The following FRK variants were observed in gnomAD, a reference collection of about 807,000 sequenced individuals.
The protein encoded by FRK is fyn related Src family tyrosine kinase, also known as tyrosine-protein kinase FRK.
A neutral mutation model predicts 56.4 loss-of-function variants in FRK; 51 were observed. The ratio of observed to expected loss-of-function variants is 0.90; its 90% CI spans 0.72 to 1.14. FRK has a LOEUF of 1.14. Among genes scored for constraint, FRK ranks in the 50% most tolerant of loss-of-function variants. The probability of loss-of-function intolerance (pLI) is 0.00; values close to 1 mark genes in which losing one functional copy is unlikely to be tolerated. For missense variants in FRK, 570 were observed against 601.4 expected, an observed-to-expected ratio of 0.95 and a Z score of 0.55; for synonymous variants, 245 against 217.9, an observed-to-expected ratio of 1.12 and a Z score of -1.10.
Position 115,931,879 on chromosome 6 carries a change from C to T in FRK, c.*10535G>A, listed in dbSNP as rs1204775276. On this transcript the variant is annotated 3_prime_UTR_variant, in exon 8 of 8. Coordinates refer to ENST00000606080, the MANE Select transcript of FRK (RefSeq NM_002031.3). ...AACTTCTGGTTATTAGGTAATATGA[C>T]TTGAATCCTCTGCATGGTAATACTT... 2 of 152,148 alleles carry T rather than the reference C, an allele frequency of 1.3e-5. No individual in the cohort carries two copies. The highest frequency in any genetic ancestry group is 2.9e-5 in the Non-Finnish European group (2 of 68,014). The allele number at this position is 152,148 out of a possible 1,614,324, so 9.4% of individuals were successfully genotyped here. A position where few individuals can be genotyped will look rare whatever the true frequency, so the allele number is the denominator to read the frequency against.
intron 2 of FRK, among the ~76,000 whole-genome samples, chr6:115,987,875 T>C (rs1156987455): frequency 6.6e-6 from 1 of 152,094 alleles, no homozygotes; most frequent in Non-Finnish European, 1.5e-5. Context: ...CTGTTCACTA[T>C]AATTATGTAA....
intron 1 of FRK, among the ~76,000 whole-genome samples, chr6:116,010,787 C>T (rs1470630348): frequency 6.6e-6 from 1 of 152,184 alleles, no homozygotes; most frequent in African/African-American, 2.4e-5. Flanking sequence ...TCGACACATT[C>T]ATGCTCAATA....
At position 116,037,070 on chromosome 6, in the gene FRK, C is replaced by T. The variant is rs936757685; in HGVS notation, c.344+22898G>A. ...TCAGGCACACCCAAATGTATCACTG[C>T]TTTCTTTGTAGACTTTCTGAATCAC... On this transcript the variant is annotated intron_variant, in intron 1 of 7. Transcript: ENST00000606080. Among the ~76,000 whole-genome samples the T allele has an allele frequency of 7.2e-5, 11 of 152,288 alleles. No homozygotes were observed. In the South Asian group the frequency reaches 2.1e-3, roughly 29 times the overall value.
intron 5 of FRK, among the ~76,000 whole-genome samples, chr6:115,953,229 G>A (rs1207291763): frequency 1.1e-4 from 11 of 102,406 alleles, no homozygotes; most frequent in African/African-American, 3.9e-4. Flanking sequence ...TCGCTCTGTC[G>A]CCCAGGCTGG....
At chr6:116,040,519 T>C (rs1356580720) in intron 1 of FRK, among the ~76,000 whole-genome samples, 1 of 152,220 alleles carries the variant, frequency 6.6e-6, no homozygotes, top group African/African-American at 2.4e-5. Flanking sequence ...AGAATTATGT[T>C]ACATGTAGTC....
In FRK at chr6:116,034,874, G is replaced by A. The variant is rs994006647; in HGVS notation, c.344+25094C>T. Among the ~76,000 whole-genome samples, 3 of 151,998 alleles carry A rather than the reference G, an allele frequency of 2.0e-5. No homozygotes were observed. In the East Asian group the frequency reaches 5.8e-4, roughly 29 times the overall value. ...AGATATACTTACAAAATTATTTACAGATAGAATTATATGATGCCTAGGATT... is the reference window on the plus strand; with the variant it reads ...AGATATACTTACAAAATTATTTACAAATAGAATTATATGATGCCTAGGATT... On this transcript the variant is annotated intron_variant, in intron 1 of 7. Transcript: ENST00000606080.
Position 116,049,058 on chromosome 6 carries a change from T to C in FRK, c.344+10910A>G, listed in dbSNP as rs117726566. Among the ~76,000 whole-genome samples the C allele has an allele frequency of 9.6e-3, 1,462 of 152,242 alleles. 10 individuals carry two copies. The highest frequency in any genetic ancestry group is 0.016 in the Non-Finnish European group (1,099 of 67,994). ...GGACCTTTGAAATATAATTTCACTA[T>C]ACTTCTCTATAACTAGCTTATCTCT... On this transcript the variant is annotated intron_variant, in intron 1 of 7. Coordinates refer to ENST00000606080, the MANE Select transcript of FRK (RefSeq NM_002031.3).
the FRK span, among the ~76,000 whole-genome samples, chr6:116,070,579 A>G: frequency 6.6e-6 from 1 of 152,208 alleles, no homozygotes; most frequent in Non-Finnish European, 1.5e-5. Context: ...GCAAAATCTC[A>G]ATAGTATTAA....
chr6:116,034,604 G>C (rs182064847), intron 1 of FRK, among the ~76,000 whole-genome samples: 157 of 152,194 alleles, frequency 1.0e-3, no homozygotes, highest in African/African-American at 3.5e-3. Flanking sequence ...CTAACGCAGA[G>C]AGAAGATCCA....
chr6:116,072,523 TTAAA>T, the FRK span, among the ~76,000 whole-genome samples: 5 of 121,054 alleles, frequency 4.1e-5, no homozygotes, highest in African/African-American at 1.6e-4. Context: ...CACTTCCAGG[TTAAA>T]TAAACACACA....
In FRK at chr6:116,060,414, A is replaced by C; in HGVS notation, c.-103T>G. ...CCAGGCAACTTTGAAGTCAGCACCA[A>C]CTCACCATACTTCGGAGAGTATGCA... On this transcript the variant is annotated 5_prime_UTR_variant, in exon 1 of 8. Transcript: ENST00000606080. 1 of 840,512 alleles carries C rather than the reference A, an allele frequency of 1.2e-6. No homozygotes were observed. Among genetic ancestry groups the C allele is most frequent in the Non-Finnish European group, 1.9e-6 (1 of 531,518 alleles). 52.1% of individuals were successfully genotyped at this position (840,512 alleles called of 1,614,324 possible).
Position 115,942,642 on chromosome 6 carries a change from G to GA in FRK, c.1307-18dup, listed in dbSNP as rs1562246775. 6.3e-7 allele frequency: 1 copy of GA among 1,593,912 alleles called. No homozygotes were observed. Among genetic ancestry groups the GA allele is most frequent in the Non-Finnish European group, 8.6e-7 (1 of 1,163,682 alleles). On this transcript the variant is annotated splice_polypyrimidine_tract_variant and intron_variant, in intron 7 of 7. Coordinates refer to ENST00000606080, the MANE Select transcript of FRK (RefSeq NM_002031.3). ...CTGTCATACCTTGAAAATACAGAAC[G>GA]AAACCAACAACAACAAAAAAAACAA...
chr6:116,061,344 A>C (rs1777616024), upstream of FRK, among the ~76,000 whole-genome samples: 1 of 151,864 alleles, frequency 6.6e-6, no homozygotes, highest in Non-Finnish European at 1.5e-5. Context: ...AGAACCCAAA[A>C]TGTTGCTTTT....
At chr6:115,989,448 C>T (rs1173788161) in intron 2 of FRK, among the ~76,000 whole-genome samples, 5 of 151,814 alleles carry the variant, frequency 3.3e-5, no homozygotes, top group African/African-American at 4.8e-5. Flanking sequence ...CCCTTCCCAT[C>T]CTACCCCTTT....
chr6:116,067,458 T>C, the FRK span, among the ~76,000 whole-genome samples: 3 of 152,172 alleles, frequency 2.0e-5, no homozygotes, highest in South Asian at 6.2e-4. Context: ...ATTTGCCTAC[T>C]GAGTACAGTC....
chr6:116,016,864 C>T (rs919012199), intron 1 of FRK, among the ~76,000 whole-genome samples: 5 of 152,194 alleles, frequency 3.3e-5, no homozygotes, highest in South Asian at 2.1e-4. Context: ...CATGTAAATG[C>T]CACCCACTGG....
chr6:116,004,201 C>G (rs1195910131), intron 1 of FRK, among the ~76,000 whole-genome samples: 1 of 151,972 alleles, frequency 6.6e-6, no homozygotes. Context: ...TTTTTTTTTA[C>G]CTACAAAGCA....
In FRK at chr6:116,003,879, G is replaced by A; in HGVS notation, c.464C>T (p.Ser155Leu). ...ATGACACAAAACAATACCCTTACCT[G>A]AAAGAGAGAATTCTCCTTTTTGGCT... ...SESQKGEFSL[S>L]VLDGAVVKHY... The change falls in exon 2 of 8, where the codon TCA (serine) becomes TTA (leucine). Residue 155 changes from serine to leucine, a missense_variant and splice_region_variant. By Grantham distance (145) the Ser-to-Leu change is moderately radical (BLOSUM62 -2). Transcript: ENST00000606080. The A allele has an allele frequency of 6.2e-7, 1 of 1,613,368 alleles. No individual in the cohort carries two copies.
chr6:116,061,109 G>A (rs1383763914), upstream of FRK, among the ~76,000 whole-genome samples: 2 of 152,068 alleles, frequency 1.3e-5, no homozygotes, highest in East Asian at 3.9e-4. Flanking sequence ...TGAAATTCAC[G>A]GCAGAGATTT....
Sources: gnomAD v4.1 joint callset for allele counts (sites outside exome capture counted in the v4.1 genomes callset) on GRCh38, gnomAD v4.1.1 for gene constraint, MANE v1.5 for transcripts, NCBI Gene and HGNC (gene_info 2026-07-23, HGNC 2026-07-21) for gene names.